The following TTC21B variants were observed in gnomAD, a reference collection of about 807,000 sequenced individuals.
TTC21B encodes tetratricopeptide repeat domain 21B.
Under a neutral mutation model 175.1 loss-of-function variants are expected in TTC21B, and 127 were observed. The observed-to-expected ratio is 0.73, with a 90% CI of 0.63 to 0.84. TTC21B has a LOEUF of 0.84. Ranked by LOEUF, TTC21B falls within the 40% of genes least tolerant of loss-of-function variation. The pLI is 0.00. For missense variants in TTC21B, 1,561 were observed against 1,558.3 expected (o/e 1.00, Z -0.03); for synonymous variants, 524 against 524.5 (o/e 1.00, Z 0.01).
At chr2:165,893,087 A>G (rs1685248225) in intron 22 of TTC21B, among the ~76,000 whole-genome samples, 1 of 152,214 alleles carries the variant, frequency 6.6e-6, no homozygotes, top group Non-Finnish European at 1.5e-5. Context: ...AGACAATTCA[A>G]ATATTGGTCT....
chr2:165,931,109 A>G (rs1686891387), intron 8 of TTC21B, among the ~76,000 whole-genome samples: 1 of 152,128 alleles, frequency 6.6e-6, no homozygotes, highest in Admixed American at 6.6e-5. Context: ...CTTCCTCTAA[A>G]GTTTACACAA....
rs1219733802 is a variant in TTC21B, at chr2:165,878,750, C to T, written c.3805+1929G>A. Among the ~76,000 whole-genome samples, 3 of 146,388 alleles carry T rather than the reference C, an allele frequency of 2.0e-5. 1 individual carries two copies. Among genetic ancestry groups the T allele is most frequent in the South Asian group, 4.4e-4 (2 of 4,596 alleles). Reference sequence around the variant, plus strand: ...AGGCTGCAGTGCAGTGGTGTGATCTCGGCTCACTGCAACCTCCACCTCTCG... The same window carrying T: ...AGGCTGCAGTGCAGTGGTGTGATCTTGGCTCACTGCAACCTCCACCTCTCG... On this transcript the variant is annotated intron_variant, in intron 27 of 28. Coordinates refer to ENST00000243344, the MANE Select transcript of TTC21B (RefSeq NM_024753.5).
intron 25 of TTC21B, among the ~76,000 whole-genome samples, chr2:165,885,421 C>T (rs961164107): frequency 9.2e-5 from 14 of 152,146 alleles, no homozygotes; most frequent in African/African-American, 3.1e-4. Context: ...CAATAAGCTT[C>T]CAAGATATAA....
At chr2:165,916,980 G>A (rs1686197931) in intron 14 of TTC21B, among the ~76,000 whole-genome samples, 2 of 152,094 alleles carry the variant, frequency 1.3e-5, no homozygotes, top group African/African-American at 2.4e-5. Flanking sequence ...AGGTTCAAGC[G>A]ATTCTCCTGC....
At chr2:165,919,504 G>T in intron 12 of TTC21B, 71 bp from the exon 13 acceptor site, 1 of 1,516,614 alleles carries the variant, frequency 6.6e-7, no homozygotes, top group Non-Finnish European at 9.1e-7. Flanking sequence ...GGAAGAGGAA[G>T]AAGAGTGTTT....
At chr2:165,928,377 T>C (rs1686756984) in intron 11 of TTC21B, among the ~76,000 whole-genome samples, 1 of 152,110 alleles carries the variant, frequency 6.6e-6, no homozygotes, top group Admixed American at 6.6e-5. Context: ...TGTAATGTGA[T>C]TTATAAAAAG....
intron 22 of TTC21B, 115 bp downstream of exon 22, chr2:165,898,571 A>T (rs781348593): frequency 3.1e-5 from 23 of 747,358 alleles, no homozygotes; most frequent in Non-Finnish European, 5.6e-5. Flanking sequence ...GAATAAACAG[A>T]CAGTCTGATT....
rs1473486369 is a variant in TTC21B, at chr2:165,940,198, C to T, written c.710+829G>A. Among the ~76,000 whole-genome samples the T allele has an allele frequency of 3.9e-5, 6 of 152,328 alleles. No homozygotes were observed. In the South Asian group the frequency reaches 6.2e-4, roughly 16 times the overall value. On this transcript the variant is annotated intron_variant, in intron 6 of 28. Transcript: ENST00000243344. ...TCAAAGCACTTCCACCACAACTATA[C>T]TGGGCCTGCCCCGACCATTTCTCAA...
chr2:165,891,116 C>T (rs537417649), intron 22 of TTC21B, 128 bp from the exon 23 acceptor site: 9 of 837,192 alleles, frequency 1.1e-5, no homozygotes, highest in African/African-American at 5.2e-5. Context: ...TAAAAAATGC[C>T]TCAGGGTATA....
In TTC21B at chr2:165,941,060, T is replaced by C; in HGVS notation, c.677A>G (p.Gln226Arg). The C allele has an allele frequency of 1.9e-6, 3 of 1,613,994 alleles. No homozygotes were observed. The highest frequency in any genetic ancestry group is 2.5e-6 in the Non-Finnish European group (3 of 1,179,870). Residue 226 changes from glutamine to arginine, a missense_variant, in exon 6 of 29, where the codon CAG becomes CGG. By Grantham distance (43) the Gln-to-Arg change is conservative (BLOSUM62 1). Coordinates refer to ENST00000243344, the MANE Select transcript of TTC21B (RefSeq NM_024753.5). ...VKKMKLQLAL[Q>R]DWDQTVETAQ... ...TGTCTCAACTGTCTGGTCCCAATCC[T>C]GCAAGGCTAGTTGTAATTTCATTTT... is the stretch of plus-strand genomic sequence containing the variant.
intron 17 of TTC21B, among the ~76,000 whole-genome samples, chr2:165,911,828 A>G (rs1250511684): frequency 6.6e-6 from 1 of 151,862 alleles, no homozygotes; most frequent in Non-Finnish European, 1.5e-5. Flanking sequence ...ATGCCCAGCT[A>G]ATTTTTTGTA....
At position 165,943,232 on chromosome 2, in the gene TTC21B, G is replaced by A. The variant is rs770501533; in HGVS notation, c.539C>T (p.Ala180Val). ...EGLQDGNDTF[A>V]LLGKAQCLEM... ...ACTCCAACTCACCTTACCCAGCAGA[G>A]CAAAAGTATCATTCCCATCTTGGAG... Residue 180 changes from alanine (A) to valine (V), a missense_variant, in exon 5 of 29, where the codon GCT (alanine) becomes GTT (valine). Transcript: ENST00000243344. 2.5e-6 allele frequency: 4 copies of A among 1,613,540 alleles called. No individual in the cohort carries two copies. The highest frequency in any genetic ancestry group is 3.4e-6 in the Non-Finnish European group (4 of 1,179,586).
At chr2:165,915,063 T>C (rs1686112524) in intron 15 of TTC21B, 138 bp downstream of exon 15, 1 of 726,924 alleles carries the variant, frequency 1.4e-6, no homozygotes, top group African/African-American at 1.8e-5. Context: ...CAGTTGGTGG[T>C]AGAAGGAATC....
chr2:165,885,977 CAAGT>C (rs1207461039), intron 25 of TTC21B, among the ~76,000 whole-genome samples: 3 of 152,148 alleles, frequency 2.0e-5, no homozygotes, highest in Non-Finnish European at 4.4e-5. Context: ...GCAATGAAAG[CAAGT>C]GGAAACACTT....
intron 24 of TTC21B, among the ~76,000 whole-genome samples, chr2:165,889,219 C>G (rs1685106128): frequency 6.6e-6 from 1 of 152,154 alleles, no homozygotes; most frequent in South Asian, 2.1e-4. Context: ...AGGCCTTAGG[C>G]TTATCTTGCC....
Position 165,929,237 on chromosome 2 carries a change from T to A in TTC21B, c.1284A>T (p.Ser428=). The change falls in exon 11 of 29, where the codon TCA becomes TCT. Residue 428 remains serine, a synonymous_variant. Coordinates refer to ENST00000243344, the MANE Select transcript of TTC21B (RefSeq NM_024753.5). ...LLNDVLDTHF[S]QLEGLPLGIQ... ...TGCCAAGAGGCAAACCTTCTAATTG[T>A]GAAAAGTGAGTGTCCAGGACATCAT... 2 of 1,613,054 alleles carry A rather than the reference T, an allele frequency of 1.2e-6. No individual in the cohort carries two copies. Among genetic ancestry groups the A allele is most frequent in the Non-Finnish European group, 1.7e-6 (2 of 1,179,360 alleles).
intron 27 of TTC21B, among the ~76,000 whole-genome samples, chr2:165,878,017 C>T (rs1019789139): frequency 2.0e-5 from 3 of 152,090 alleles, no homozygotes; most frequent in Non-Finnish European, 2.9e-5. Flanking sequence ...TGGGATCTTA[C>T]GCAAGTGGCT....
chr2:165,920,795 A>AATATTTTAAATATTTAAAATATTTT (rs1559060444), intron 12 of TTC21B, among the ~76,000 whole-genome samples: 11 of 151,544 alleles, frequency 7.3e-5, no homozygotes, highest in East Asian at 1.9e-4. Flanking sequence ...AATATTTTGA[A>AATATTTTAAATATTTAAAATATTTT]GGATACTAAA....
chr2:165,880,753 T>A lies in TTC21B; in HGVS notation c.3731A>T (p.Glu1244Val), dbSNP rs1173198437. The change falls in exon 27 of 29, where the codon GAG (glutamate) becomes GTG (valine). Residue 1244 changes from glutamate to valine, a missense_variant. Coordinates refer to ENST00000243344, the MANE Select transcript of TTC21B (RefSeq NM_024753.5). ...YEYMGYIMEK[E>V]QAYTDAALNY... is the part of the protein sequence containing the mutation. The stretch of plus-strand genomic sequence containing the variant: ...CAAGGCAGCATCTGTATATGCTTGC[T>A]CTTTTTCCATAATGTATCCCATATA... The A allele has an allele frequency of 6.2e-7, 1 of 1,613,388 alleles. No homozygotes were observed. Among genetic ancestry groups the A allele is most frequent in the Non-Finnish European group, 8.5e-7 (1 of 1,179,746 alleles).
Sources: allele counts gnomAD v4.1 joint callset (sites outside exome capture counted in the v4.1 genomes callset), GRCh38; gene constraint gnomAD v4.1.1; transcripts MANE v1.5; gene names NCBI Gene and HGNC (gene_info 2026-07-23, HGNC 2026-07-21).